The following GEMIN5 variants were observed in gnomAD, a reference collection of about 807,000 sequenced individuals.
GEMIN5 encodes gem-associated protein 5.
GEMIN5 carries 124 observed loss-of-function variants against 176.9 expected under a neutral mutation model. The observed-to-expected ratio is 0.70, with a 90% CI of 0.61 to 0.81. The LOEUF (loss-of-function observed/expected upper bound fraction) is 0.81, where lower values mean the gene tolerates loss of function less well. Among genes scored for constraint, GEMIN5 ranks in the 40% least tolerant of loss-of-function variants. The pLI is 0.00. For missense variants in GEMIN5, 1,843 were observed against 1,814.6 expected (o/e 1.02, Z -0.28); for synonymous variants, 673 against 665.2 (o/e 1.01, Z -0.18).
Position 154,901,444 on chromosome 5 carries a change from T to C in GEMIN5, c.2909A>G (p.Lys970Arg), listed in dbSNP as rs1260236141. 6.2e-7 allele frequency: 1 copy of C among 1,613,876 alleles called. No individual in the cohort carries two copies. Among genetic ancestry groups the C allele is most frequent in the African/African-American group, 1.3e-5 (1 of 74,900 alleles). Reference sequence around the variant, plus strand: ...ATACTGATCCTGAAAACACAGCTGTTTGGCAAAAGCTTCCACAGCCCATAG... The same window carrying C: ...ATACTGATCCTGAAAACACAGCTGTCTGGCAAAAGCTTCCACAGCCCATAG... ...VWLWAVEAFA[K>R]QLCFQDQYVK... The change falls in exon 21 of 28, where the codon AAA becomes AGA. Residue 970 changes from lysine to arginine, a missense_variant. By Grantham distance (26) the Lys-to-Arg change is conservative. Coordinates refer to ENST00000285873, the MANE Select transcript of GEMIN5 (RefSeq NM_015465.5).
chr5:154,930,843 A>C (rs1280373415), intron 5 of GEMIN5, among the ~76,000 whole-genome samples: 3 of 152,052 alleles, frequency 2.0e-5, no homozygotes, highest in African/African-American at 7.3e-5. Context: ...TGCCAAAAAA[A>C]ATAAAATAAA....
chr5:154,923,018 G>A (rs1763959116), intron 9 of GEMIN5, among the ~76,000 whole-genome samples: 1 of 152,022 alleles, frequency 6.6e-6, no homozygotes, highest in Non-Finnish European at 1.5e-5. Context: ...TCTTTTTTGA[G>A]AGTTAAAAAA....
At chr5:154,893,175 G>A (rs1386342063) in intron 24 of GEMIN5, among the ~76,000 whole-genome samples, 6 of 151,400 alleles carry the variant, frequency 4.0e-5, no homozygotes, top group African/African-American at 1.5e-4. Context: ...AATAAAGGCT[G>A]GGTGCAGTTG....
In GEMIN5 at chr5:154,898,560, A is replaced by G; in HGVS notation, c.3225T>C (p.Ala1075=). 2 of 1,614,120 alleles carry G rather than the reference A, an allele frequency of 1.2e-6. No individual in the cohort carries two copies. The highest frequency in any genetic ancestry group is 1.7e-6 in the Non-Finnish European group (2 of 1,179,952). The part of the protein sequence containing the change: ...AASLRTAAEL[A]AIVGEDELSA... ...ACAACTCATCCTCTCCTACGATGGC[A>G]GCCAACTCTGCAGCCGTTCTAAGTG... The change falls in exon 23 of 28, where the codon GCT becomes GCC. Residue 1075 remains alanine (A), a synonymous_variant. Coordinates refer to ENST00000285873, the MANE Select transcript of GEMIN5 (RefSeq NM_015465.5).
intron 13 of GEMIN5, among the ~76,000 whole-genome samples, chr5:154,916,031 T>C (rs774278426): frequency 3.3e-5 from 5 of 152,154 alleles, no homozygotes; most frequent in African/African-American, 4.8e-5. Context: ...TATAATGGAA[T>C]GAACAGGTAA....
intron 6 of GEMIN5, 116 bp downstream of exon 6, chr5:154,928,411 T>A (rs751410380): frequency 1.6e-5 from 14 of 878,536 alleles, no homozygotes; most frequent in Non-Finnish European, 2.5e-5. Context: ...ATTTTTCCAT[T>A]TCAAATGGCC....
intron 3 of GEMIN5, among the ~76,000 whole-genome samples, chr5:154,935,058 T>C (rs1764240099): frequency 6.6e-6 from 1 of 152,250 alleles, no homozygotes; most frequent in African/African-American, 2.4e-5. Flanking sequence ...GCAATACCCC[T>C]GCATTTATCA....
chr5:154,908,670 A>G (rs969928677), intron 15 of GEMIN5, among the ~76,000 whole-genome samples: 2 of 152,228 alleles, frequency 1.3e-5, no homozygotes, highest in Non-Finnish European at 2.9e-5. Flanking sequence ...TAGGTCTGCC[A>G]GATGTTTTTC....
chr5:154,899,212 T>C lies in GEMIN5; in HGVS notation c.3113A>G (p.His1038Arg), dbSNP rs1249812948. The part of the protein sequence containing the change: ...SWGTVLERDG[H>R]YAVAAKCYLG... ...TTACCATTTGGCAGCTACAGCATAGTGGCCATCTCTTTCTAGGACGGTTCC... is the reference window on the plus strand; with the variant it reads ...TTACCATTTGGCAGCTACAGCATAGCGGCCATCTCTTTCTAGGACGGTTCC... The change falls in exon 22 of 28, where the codon CAC becomes CGC. Residue 1038 changes from histidine to arginine, a missense_variant. Coordinates refer to ENST00000285873, the MANE Select transcript of GEMIN5 (RefSeq NM_015465.5). 1.2e-6 allele frequency: 2 copies of C among 1,612,170 alleles called. No homozygotes were observed. Among genetic ancestry groups the C allele is most frequent in the African/African-American group, 2.7e-5 (2 of 74,888 alleles).
chr5:154,924,119 G>A (rs909614720), intron 9 of GEMIN5, among the ~76,000 whole-genome samples: 5 of 151,882 alleles, frequency 3.3e-5, no homozygotes, highest in African/African-American at 9.7e-5. Context: ...ATTAAGACTC[G>A]GAACTCTGGT....
At chr5:154,929,965 A>G (rs925973552) in intron 5 of GEMIN5, among the ~76,000 whole-genome samples, 5 of 152,256 alleles carry the variant, frequency 3.3e-5, no homozygotes, top group African/African-American at 9.6e-5. Context: ...TGTGTGAGAT[A>G]TGAGTTCTAA....
At chr5:154,913,713 A>G (rs1257937200) in intron 13 of GEMIN5, among the ~76,000 whole-genome samples, 1 of 152,062 alleles carries the variant, frequency 6.6e-6, no homozygotes, top group Non-Finnish European at 1.5e-5. Flanking sequence ...GCTACATAGG[A>G]GGCTGAGATG....
chr5:154,936,327 G>A (rs996813723), intron 2 of GEMIN5, among the ~76,000 whole-genome samples: 42 of 138,602 alleles, frequency 3.0e-4, no homozygotes, highest in African/African-American at 1.1e-3. Flanking sequence ...TGAGGCAGGA[G>A]AATGGCGTCA....
chr5:154,897,935 A>T, intron 23 of GEMIN5, among the ~76,000 whole-genome samples: 1 of 118,764 alleles, frequency 8.4e-6, no homozygotes, highest in East Asian at 2.6e-4. Context: ...TTTTTTTGAG[A>T]CAGAGTCCCA....
In GEMIN5 at chr5:154,925,863, GC is replaced by G; in HGVS notation, c.1291del (p.Ala431ArgfsTer12). The G allele has an allele frequency of 6.3e-7, 1 of 1,577,366 alleles. No homozygotes were observed. Among genetic ancestry groups the G allele is most frequent in the Non-Finnish European group, 8.7e-7 (1 of 1,147,534 alleles). ...FWQGVKSKVT[A>X]LCWHPTKEGC... ...CAAGCTCAAAAAAAGAATCCTTACCGCTGTAACCTTGGACTTCACGCCTTGC... is the reference window on the plus strand; with the variant it reads ...CAAGCTCAAAAAAAGAATCCTTACCGTGTAACCTTGGACTTCACGCCTTGC... On this transcript the variant is annotated frameshift_variant and splice_region_variant, in exon 8 of 28. Transcript: ENST00000285873. LOFTEE classifies it high-confidence loss of function.
rs1764290574 is a variant in GEMIN5, at chr5:154,937,323, T to TA, written c.167-139dup. On this transcript the variant is annotated intron_variant, in intron 1 of 27. Transcript: ENST00000285873. The stretch of plus-strand genomic sequence containing the variant: ...GGTATAACTGAAACACCGACGGACT[T>TA]ACACTCAGAATTCCCAAGTGCTGAT... 16 of 689,154 alleles carry TA rather than the reference T, an allele frequency of 2.3e-5. 1 individual carries two copies. The South Asian group carries it at 3.3e-4, about 14-fold the overall frequency. The allele number at this position is 689,154 out of a possible 1,614,324, so 42.7% of individuals were successfully genotyped here. A position where few individuals can be genotyped will look rare whatever the true frequency, so the allele number is the denominator to read the frequency against.
At chr5:154,911,948 G>A (rs1387392547) in intron 14 of GEMIN5, 50 bp from the exon 15 acceptor site, 1 of 1,514,284 alleles carries the variant, frequency 6.6e-7, no homozygotes, top group Non-Finnish European at 9.0e-7. Flanking sequence ...TTATTCTATT[G>A]TTTGGGCAGT....
At position 154,887,851 on chromosome 5, in the gene GEMIN5, A is replaced by C. The variant is rs1044829902; in HGVS notation, c.*359T>G. On this transcript the variant is annotated 3_prime_UTR_variant, in exon 28 of 28. Coordinates refer to ENST00000285873, the MANE Select transcript of GEMIN5 (RefSeq NM_015465.5). ...CTTCTGATCAGATGAAGTATTTACA[A>C]AGGTAGCTTGTGTTTTAAGCATGTA... The C allele has an allele frequency of 1.1e-4, 24 of 225,786 alleles. No individual in the cohort carries two copies. Among genetic ancestry groups the C allele is most frequent in the Non-Finnish European group, 4.3e-5 (5 of 115,406 alleles). The allele number at this position is 225,786 out of a possible 1,614,324, so 14.0% of individuals were successfully genotyped here.
At chr5:154,930,296 A>T (rs1013368186) in intron 5 of GEMIN5, among the ~76,000 whole-genome samples, 1 of 152,028 alleles carries the variant, frequency 6.6e-6, no homozygotes, top group African/African-American at 2.4e-5. Flanking sequence ...AGGGATAAGA[A>T]CCCCTCCCCT....
Sources: allele counts gnomAD v4.1 joint callset (sites outside exome capture counted in the v4.1 genomes callset), GRCh38; gene constraint gnomAD v4.1.1; transcripts MANE v1.5; gene names NCBI Gene and HGNC (gene_info 2026-07-23, HGNC 2026-07-21).